The following TBC1D19 variants were observed in gnomAD, a reference collection of about 807,000 sequenced individuals.
TBC1D19 encodes TBC1 domain family, member 19.
TBC1D19 carries 60 observed loss-of-function variants against 89.0 expected under a neutral mutation model. The ratio of observed to expected loss-of-function variants is 0.67; its 90% CI spans 0.55 to 0.84. The LOEUF (loss-of-function observed/expected upper bound fraction) is 0.84. TBC1D19 is among the 40% of genes least tolerant of loss of function. The pLI is 0.00. For synonymous variants in TBC1D19, 189 were observed against 199.7 expected (o/e 0.95, Z 0.45); for missense variants, 500 against 610.8 (o/e 0.82, Z 1.91).
intron 9 of TBC1D19, among the ~76,000 whole-genome samples, chr4:26,666,858 A>G (rs935955305): frequency 1.3e-5 from 2 of 151,916 alleles, no homozygotes; most frequent in African/African-American, 4.8e-5. Flanking sequence ...TATACTTTTT[A>G]TTAAATACTA....
the TBC1D19 span, among the ~76,000 whole-genome samples, chr4:26,847,116 T>C: frequency 6.6e-6 from 1 of 152,196 alleles, no homozygotes; most frequent in Non-Finnish European, 1.5e-5. Context: ...AGTCATTGAT[T>C]TGTTTAATAT....
At chr4:26,684,404 C>T (rs1407090649) in intron 12 of TBC1D19, among the ~76,000 whole-genome samples, 1 of 152,156 alleles carries the variant, frequency 6.6e-6, no homozygotes, top group Non-Finnish European at 1.5e-5. Flanking sequence ...CTGATTGAAT[C>T]CTGGATACTG....
At chr4:26,792,248 A>G in the TBC1D19 span, among the ~76,000 whole-genome samples, 1 of 152,072 alleles carries the variant, frequency 6.6e-6, no homozygotes, top group African/African-American at 2.4e-5. Context: ...ATATGAATAA[A>G]CCATACTTAT....
At chr4:26,762,937 T>G in the TBC1D19 span, among the ~76,000 whole-genome samples, 1 of 152,192 alleles carries the variant, frequency 6.6e-6, no homozygotes, top group African/African-American at 2.4e-5. Context: ...ATTGTAGGAC[T>G]TTTGACCTCC....
In TBC1D19 at chr4:26,584,136, C is replaced by T; in HGVS notation, c.-58C>T. The T allele has an allele frequency of 1.3e-6, 2 of 1,552,676 alleles. No individual in the cohort carries two copies. Among genetic ancestry groups the T allele is most frequent in the Middle Eastern group, 1.7e-4 (1 of 5,776 alleles). ...ACTGGCCCTGAGTGGGACCCGGTAG[C>T]CCGTTCGCTCCGCGCCGGCGGCCTG... On this transcript the variant is annotated 5_prime_UTR_variant, in exon 1 of 21. Coordinates refer to ENST00000264866, the MANE Select transcript of TBC1D19 (RefSeq NM_018317.4).
rs540354104 is a variant in TBC1D19, at chr4:26,755,712, A to G, written c.*765A>G. 1.6e-4 allele frequency among the ~76,000 whole-genome samples: 24 copies of G among 152,162 alleles called. No homozygotes were observed. The highest frequency in any genetic ancestry group is 2.9e-4 in the Non-Finnish European group (20 of 68,034). ...AGCTTCTGTTACTTTGTAACTATAC[A>G]AGGAAGACACCCAAGAGAATGAGGA... On this transcript the variant is annotated 3_prime_UTR_variant, in exon 21 of 21. Coordinates refer to ENST00000264866, the MANE Select transcript of TBC1D19 (RefSeq NM_018317.4).
At chr4:26,706,447 T>C (rs1406415567) in intron 13 of TBC1D19, among the ~76,000 whole-genome samples, 1 of 152,134 alleles carries the variant, frequency 6.6e-6, no homozygotes, top group East Asian at 1.9e-4. Context: ...GCTCAAGGTT[T>C]GTTAATTTTG....
At chr4:26,829,818 T>C in the TBC1D19 span, among the ~76,000 whole-genome samples, 2 of 152,374 alleles carry the variant, frequency 1.3e-5, no homozygotes, top group African/African-American at 4.8e-5. Context: ...ACAAAGAGCA[T>C]GGCTGACCAT....
intron 13 of TBC1D19, among the ~76,000 whole-genome samples, chr4:26,696,882 A>T (rs1054588052): frequency 6.6e-6 from 1 of 152,242 alleles, no homozygotes; most frequent in Non-Finnish European, 1.5e-5. Context: ...AATTTATAGC[A>T]CTAAATGCCC....
At position 26,611,904 on chromosome 4, in the gene TBC1D19, A is replaced by G. The variant is rs1021736897; in HGVS notation, c.100-1265A>G. Reference sequence around the variant, plus strand: ...GTTGATTTGTCAGTTTTAAGAATTTATAGGTACTAGATTGCTCCAGTCTCT... The same window carrying G: ...GTTGATTTGTCAGTTTTAAGAATTTGTAGGTACTAGATTGCTCCAGTCTCT... On this transcript the variant is annotated intron_variant, in intron 1 of 20. Coordinates refer to ENST00000264866, the MANE Select transcript of TBC1D19 (RefSeq NM_018317.4). Among the ~76,000 whole-genome samples, 16 of 152,214 alleles carry G rather than the reference A, an allele frequency of 1.1e-4. No homozygotes were observed. In the East Asian group the frequency reaches 3.1e-3, roughly 29 times the overall value.
chr4:26,601,679 G>A (rs1740618134), intron 1 of TBC1D19, among the ~76,000 whole-genome samples: 1 of 152,182 alleles, frequency 6.6e-6, no homozygotes, highest in Admixed American at 6.5e-5. Context: ...ATATTCTGAG[G>A]AGGGTGAAGG....
At chr4:26,745,737 C>T (rs1718616018) in intron 18 of TBC1D19, among the ~76,000 whole-genome samples, 1 of 151,828 alleles carries the variant, frequency 6.6e-6, no homozygotes, top group African/African-American at 2.4e-5. Flanking sequence ...GTCTCGGACT[C>T]CTGACCTCAG....
At chr4:26,834,766 T>C in the TBC1D19 span, among the ~76,000 whole-genome samples, 4 of 152,198 alleles carry the variant, frequency 2.6e-5, no homozygotes, top group Non-Finnish European at 5.9e-5. Flanking sequence ...CTCTTTTCTT[T>C]TCACTCTTAA....
At chr4:26,800,613 G>T in the TBC1D19 span, among the ~76,000 whole-genome samples, 113 of 152,152 alleles carry the variant, frequency 7.4e-4, 3 homozygotes, top group Non-Finnish European at 6.9e-4. Context: ...CTAGTTTACA[G>T]TCCCACCAAC....
chr4:26,784,064 T>C, the TBC1D19 span, among the ~76,000 whole-genome samples: 6 of 152,190 alleles, frequency 3.9e-5, no homozygotes, highest in Non-Finnish European at 7.4e-5. Context: ...TGTGTACTAA[T>C]CTTGTTGAGA....
intron 7 of TBC1D19, among the ~76,000 whole-genome samples, chr4:26,655,300 G>C (rs1319900403): frequency 1.3e-5 from 2 of 152,360 alleles, no homozygotes; most frequent in African/African-American, 4.8e-5. Flanking sequence ...GTGCCTCCCA[G>C]TTAAGCTACT....
intron 8 of TBC1D19, among the ~76,000 whole-genome samples, chr4:26,661,834 C>T (rs932620212): frequency 6.6e-6 from 1 of 152,128 alleles, no homozygotes; most frequent in African/African-American, 2.4e-5. Flanking sequence ...ACTTCCCAAC[C>T]CTCACAAGGA....
chr4:26,842,599 T>C, the TBC1D19 span, among the ~76,000 whole-genome samples: 36 of 130,204 alleles, frequency 2.8e-4, no homozygotes, highest in South Asian at 7.6e-4. Context: ...TTTCTTTCTT[T>C]CTTTCTTTCT....
At chr4:26,590,794 C>CTGTTTTTTTT (rs1739721282) in intron 1 of TBC1D19, among the ~76,000 whole-genome samples, 1 of 31,764 alleles carries the variant, frequency 3.1e-5, no homozygotes, top group African/African-American at 1.1e-4. Flanking sequence ...TCTTGCAGGT[C>CTGTTTTTTTT]TGTTTTTTTT....
Sources: gnomAD v4.1 joint callset for allele counts (sites outside exome capture counted in the v4.1 genomes callset) on GRCh38, gnomAD v4.1.1 for gene constraint, MANE v1.5 for transcripts, NCBI Gene and HGNC (gene_info 2026-07-23, HGNC 2026-07-21) for gene names.